RFX4: variants seen among roughly 807,000 people sequenced by gnomAD.
RFX4 encodes transcription factor RFX4.
Under a neutral mutation model 95.0 loss-of-function variants are expected in RFX4, and 10 were observed. The ratio of observed to expected loss-of-function variants is 0.11; its 90% confidence interval spans 0.06 to 0.18. The LOEUF is 0.18. Among genes scored for constraint, RFX4 ranks in the 10% least tolerant of loss-of-function variants. The pLI is 1.00. For missense variants in RFX4, 640 were observed against 922.0 expected (o/e 0.69, Z 3.96); for synonymous variants, 321 against 340.7 (o/e 0.94, Z 0.64).
At chr12:106,602,697 C>A (rs561525228) in intron 1 of RFX4, among the ~76,000 whole-genome samples, 1 of 152,170 alleles carries the variant, frequency 6.6e-6, no homozygotes, top group Non-Finnish European at 1.5e-5. Flanking sequence ...TCTTGGGAAA[C>A]CTTGCTCCCT....
chr12:106,740,630 G>C (rs530873766), intron 15 of RFX4, among the ~76,000 whole-genome samples: 1 of 152,174 alleles, frequency 6.6e-6, no homozygotes, highest in Non-Finnish European at 1.5e-5. Flanking sequence ...AATCCTGGGA[G>C]TACAGAAGTG....
chr12:106,687,225 CAT>C, intron 6 of RFX4, 128 bp downstream of exon 6: 1 of 652,954 alleles, frequency 1.5e-6, no homozygotes, highest in Non-Finnish European at 2.5e-6. Flanking sequence ...CACACACACA[CAT>C]TTATTGCAAA....
At chr12:106,710,798 G>A (rs1388728687) in intron 9 of RFX4, among the ~76,000 whole-genome samples, 1 of 152,086 alleles carries the variant, frequency 6.6e-6, no homozygotes, top group Non-Finnish European at 1.5e-5. Context: ...GAAGAGCTAG[G>A]GCAGGCACAT....
At chr12:106,654,592 A>T (rs1191524724) in intron 4 of RFX4, among the ~76,000 whole-genome samples, 2 of 152,204 alleles carry the variant, frequency 1.3e-5, no homozygotes, top group African/African-American at 4.8e-5. Context: ...ATTTTCATGA[A>T]GTCACTTATT....
At chr12:106,736,229 G>C (rs2042706356) in intron 15 of RFX4, among the ~76,000 whole-genome samples, 1 of 152,150 alleles carries the variant, frequency 6.6e-6, no homozygotes, top group Non-Finnish European at 1.5e-5. Flanking sequence ...CTGTAATGCA[G>C]TCATTTGGAA....
intron 1 of RFX4, among the ~76,000 whole-genome samples, chr12:106,600,055 C>A (rs145461892): frequency 1.3e-5 from 2 of 152,260 alleles, no homozygotes; most frequent in East Asian, 3.9e-4. Context: ...TGAATACAAT[C>A]TAGACTCCTT....
intron 8 of RFX4, among the ~76,000 whole-genome samples, chr12:106,702,081 A>G (rs919743393): frequency 6.6e-6 from 1 of 152,028 alleles, no homozygotes; most frequent in African/African-American, 2.4e-5. Flanking sequence ...CTGAAATTCC[A>G]CCTCTGTTCA....
At chr12:106,633,345 A>G (rs774244686) in intron 2 of RFX4, among the ~76,000 whole-genome samples, 11 of 152,296 alleles carry the variant, frequency 7.2e-5, no homozygotes, top group Non-Finnish European at 1.5e-4. Context: ...GCCTCATGCA[A>G]TTATTCACCC....
intron 10 of RFX4, among the ~76,000 whole-genome samples, chr12:106,712,398 C>G (rs956484776): frequency 6.6e-6 from 1 of 151,698 alleles, no homozygotes; most frequent in Non-Finnish European, 1.5e-5. Flanking sequence ...CCTCATTCCA[C>G]CAACTCTCTC....
At chr12:106,646,788 A>G (rs1223728837) in intron 3 of RFX4, among the ~76,000 whole-genome samples, 1 of 152,134 alleles carries the variant, frequency 6.6e-6, no homozygotes, top group African/African-American at 2.4e-5. Context: ...GGAGGAAACC[A>G]AGGTAGTCTC....
chr12:106,620,769 G>C (rs2040168398), intron 2 of RFX4, among the ~76,000 whole-genome samples: 1 of 152,028 alleles, frequency 6.6e-6, no homozygotes, highest in South Asian at 2.1e-4. Context: ...CAGGAGACCA[G>C]GGCATATCTC....
intron 4 of RFX4, among the ~76,000 whole-genome samples, chr12:106,657,184 C>T (rs536299501): frequency 6.6e-6 from 1 of 152,236 alleles, no homozygotes; most frequent in Non-Finnish European, 1.5e-5. Context: ...GAGATGAAAT[C>T]GTGGACAGTC....
chr12:106,625,404 G>A (rs1268756177), intron 2 of RFX4, among the ~76,000 whole-genome samples: 2 of 152,034 alleles, frequency 1.3e-5, no homozygotes, highest in Admixed American at 6.5e-5. Context: ...TGAAGAAACC[G>A]AGCAAGAGTG....
chr12:106,684,540 C>T (rs2041600029), intron 5 of RFX4: 3 of 351,350 alleles, frequency 8.5e-6, no homozygotes, highest in African/African-American at 2.1e-5. Context: ...ATTTTAGCTA[C>T]GTGATCTCTG....
chr12:106,678,175 A>G (rs1309590510), intron 4 of RFX4, among the ~76,000 whole-genome samples: 1 of 152,174 alleles, frequency 6.6e-6, no homozygotes, highest in Admixed American at 6.5e-5. Flanking sequence ...ATTGCCTCAC[A>G]GAGGTAGAAC....
intron 2 of RFX4, among the ~76,000 whole-genome samples, chr12:106,634,258 A>G (rs1257119209): frequency 3.9e-5 from 6 of 152,160 alleles, no homozygotes; most frequent in Non-Finnish European, 4.4e-5. Flanking sequence ...GCCGTCTCCT[A>G]TATGGAGCTG....
intron 2 of RFX4, among the ~76,000 whole-genome samples, chr12:106,623,949 C>T (rs2040238835): frequency 6.6e-6 from 1 of 152,216 alleles, no homozygotes; most frequent in African/African-American, 2.4e-5. Context: ...CTGTTTATGT[C>T]TTTCTGCTGA....
chr12:106,592,108 C>T (rs867652268), intron 1 of RFX4, among the ~76,000 whole-genome samples: 2 of 151,888 alleles, frequency 1.3e-5, no homozygotes, highest in Non-Finnish European at 2.9e-5. Context: ...AAAAGTTGCT[C>T]GGTAAAAGGC....
chr12:106,762,076 G>C lies in RFX4; in HGVS notation c.*607G>C, dbSNP rs1442342178. Reference sequence around the variant, plus strand: ...TTCTGTCATACCCACATCTGTCACAGTACCTGCATTGTCTTGGAATGTAAG... The same window carrying C: ...TTCTGTCATACCCACATCTGTCACACTACCTGCATTGTCTTGGAATGTAAG... On this transcript the variant is annotated 3_prime_UTR_variant, in exon 18 of 18. Transcript: ENST00000392842. 6.6e-6 allele frequency: 1 copy of C among 152,668 alleles called. No individual in the cohort carries two copies. The highest frequency in any genetic ancestry group is 1.5e-5 in the Non-Finnish European group (1 of 68,076). 9.5% of individuals were successfully genotyped at this position (152,668 alleles called of 1,614,324 possible). A position where few individuals can be genotyped will look rare whatever the true frequency, so the allele number is the denominator to read the frequency against.
Sources: allele counts gnomAD v4.1 joint callset (sites outside exome capture counted in the v4.1 genomes callset), GRCh38; gene constraint gnomAD v4.1.1; transcripts MANE v1.5; gene names NCBI Gene and HGNC (gene_info 2026-07-23, HGNC 2026-07-21).